The following CNOT10 variants were observed in gnomAD, a reference collection of about 807,000 sequenced individuals.
CNOT10 encodes CCR4-NOT transcription complex subunit 10, also known as CCR4-NOT transcription complex, subunit 10.
CNOT10 carries 30 observed loss-of-function variants against 94.6 expected under a neutral mutation model. The observed-to-expected ratio is 0.32, with a 90% CI of 0.24 to 0.43. CNOT10 has a LOEUF of 0.43. Ranked by LOEUF, CNOT10 falls within the 20% of genes least tolerant of loss-of-function variation. CNOT10 has a pLI of 1.00. For missense variants in CNOT10, 759 were observed against 877.2 expected, an observed-to-expected ratio of 0.87 and a Z score of 1.70; for synonymous variants, 289 against 301.6, an observed-to-expected ratio of 0.96 and a Z score of 0.43.
Position 32,753,363 on chromosome 3 carries a change from T to C in CNOT10, c.1596-6095T>C. 4 of 1,313,658 alleles carry C rather than the reference T, an allele frequency of 3.0e-6. No individual in the cohort carries two copies. The East Asian group carries it at 9.3e-5, about 30-fold the overall frequency. The allele number at this position is 1,313,658 out of a possible 1,614,324, so 81.4% of individuals were successfully genotyped here. ...TATCAAACAGAATCGCAAGTAGTCA[T>C]TACACTTACGATCAAGAATGTTCAA... On this transcript the variant is annotated intron_variant, in intron 13 of 18. Transcript: ENST00000328834.
chr3:32,737,271 T>C (rs900145132), intron 12 of CNOT10, 139 bp from the exon 13 acceptor site: 4 of 566,858 alleles, frequency 7.1e-6, no homozygotes, highest in African/African-American at 3.8e-5. Flanking sequence ...GTTGAGATCG[T>C]GCAATTGCAC....
chr3:32,757,252 T>G (rs1258152854), intron 13 of CNOT10, among the ~76,000 whole-genome samples: 1 of 120,170 alleles, frequency 8.3e-6, no homozygotes, highest in African/African-American at 3.1e-5. Context: ...TGATCTCAGC[T>G]TACCGCAACC....
chr3:32,694,613 G>A (rs1173840325), intron 1 of CNOT10, among the ~76,000 whole-genome samples: 1 of 151,802 alleles, frequency 6.6e-6, no homozygotes, highest in Admixed American at 6.6e-5. Context: ...GTTTTTTGAG[G>A]CAGTCTTGCT....
intron 8 of CNOT10, among the ~76,000 whole-genome samples, chr3:32,724,359 C>A (rs1575243748): frequency 6.6e-6 from 1 of 150,514 alleles, no homozygotes; most frequent in East Asian, 2.0e-4. Context: ...AATTCTCCTA[C>A]CTCAGCCTCC....
At chr3:32,735,617 GA>G (rs1261363217) in intron 12 of CNOT10, among the ~76,000 whole-genome samples, 1 of 148,868 alleles carries the variant, frequency 6.7e-6, no homozygotes, top group Non-Finnish European at 1.5e-5. Context: ...TGAGGCAAGA[GA>G]ATTACTTGAA....
At chr3:32,729,809 C>T (rs1308490513) in intron 10 of CNOT10, among the ~76,000 whole-genome samples, 21 of 141,594 alleles carry the variant, frequency 1.5e-4, no homozygotes, top group African/African-American at 5.6e-4. Context: ...CGCCCTGTCG[C>T]CCAGGCTGGA....
At chr3:32,712,063 T>A (rs1427044883) in intron 4 of CNOT10, among the ~76,000 whole-genome samples, 1 of 152,242 alleles carries the variant, frequency 6.6e-6, no homozygotes, top group Admixed American at 6.5e-5. Flanking sequence ...TTCATTGGGT[T>A]CTTTTTCTTT....
Position 32,747,936 on chromosome 3 carries a change from G to A in CNOT10, c.1595+10446G>A, listed in dbSNP as rs1699776157. On this transcript the variant is annotated intron_variant, in intron 13 of 18. Transcript: ENST00000328834. ...GCACTCCAGCCCAGCGACAGAGCAA[G>A]ACTCCGTCCCAACGCTCCCCCCACC... is the stretch of plus-strand genomic sequence containing the variant. Among the ~76,000 whole-genome samples the A allele has an allele frequency of 1.3e-5, 2 of 151,986 alleles. 1 individual carries two copies. The highest frequency in any genetic ancestry group is 4.2e-4 in the South Asian group (2 of 4,816).
chr3:32,771,686 T>G (rs926882026), intron 18 of CNOT10, among the ~76,000 whole-genome samples: 1 of 152,192 alleles, frequency 6.6e-6, no homozygotes, highest in Non-Finnish European at 1.5e-5. Flanking sequence ...AGGGAGTTTT[T>G]GGTATCCTAC....
intron 13 of CNOT10, among the ~76,000 whole-genome samples, chr3:32,738,611 T>A (rs1420275041): frequency 6.6e-6 from 1 of 151,842 alleles, no homozygotes; most frequent in Non-Finnish European, 1.5e-5. Context: ...TACAGGCGCC[T>A]GCCACCACAC....
At chr3:32,688,555 C>G (rs991864006) in intron 1 of CNOT10, among the ~76,000 whole-genome samples, 1 of 151,982 alleles carries the variant, frequency 6.6e-6, no homozygotes, top group East Asian at 1.9e-4. Flanking sequence ...CGAGATCGCA[C>G]CACTGCACTC....
In CNOT10 at chr3:32,727,693, G is replaced by GT; in HGVS notation, c.1039dup (p.Cys347LeufsTer7). 1 of 1,613,612 alleles carries GT rather than the reference G, an allele frequency of 6.2e-7. No individual in the cohort carries two copies. ...GTAAAAAATTTTCAGGAAGACCCATGTGTACGTTACTAACCAATAAGAGAT... is the reference window on the plus strand; with the variant it reads ...GTAAAAAATTTTCAGGAAGACCCATGTTGTACGTTACTAACCAATAAGAGAT... On this transcript the variant is annotated frameshift_variant, in exon 10 of 19. Transcript: ENST00000328834. LOFTEE classifies it high-confidence loss of function.
intron 7 of CNOT10, 107 bp downstream of exon 7, chr3:32,717,344 G>C (rs185912067): frequency 3.5e-6 from 2 of 576,538 alleles, no homozygotes; most frequent in Admixed American, 3.6e-5. Context: ...TATACTGCCA[G>C]ATATGAACCT....
At chr3:32,772,464 T>C (rs1700954326) in intron 18 of CNOT10, among the ~76,000 whole-genome samples, 2 of 151,942 alleles carry the variant, frequency 1.3e-5, no homozygotes, top group Admixed American at 1.3e-4. Flanking sequence ...GTGTGCAGTA[T>C]TGCTCCTGTG....
intron 13 of CNOT10, among the ~76,000 whole-genome samples, chr3:32,757,832 C>G (rs1229891742): frequency 6.6e-6 from 1 of 152,114 alleles, no homozygotes; most frequent in Non-Finnish European, 1.5e-5. Flanking sequence ...AGTAGGCTTG[C>G]CAGGAAAATT....
At chr3:32,689,643 C>T (rs376263347) in intron 1 of CNOT10, among the ~76,000 whole-genome samples, 9 of 152,070 alleles carry the variant, frequency 5.9e-5, no homozygotes, top group African/African-American at 2.2e-4. Flanking sequence ...AGCTCTAGTC[C>T]CTAGAACAAT....
intron 3 of CNOT10, among the ~76,000 whole-genome samples, chr3:32,705,547 A>G (rs540671867): frequency 2.0e-5 from 3 of 152,276 alleles, no homozygotes; most frequent in South Asian, 2.1e-4. Context: ...CTTGTATGCA[A>G]CTTCTCAGCT....
intron 5 of CNOT10, among the ~76,000 whole-genome samples, chr3:32,714,391 T>C (rs1376159575): frequency 6.7e-6 from 1 of 150,050 alleles, no homozygotes; most frequent in Non-Finnish European, 1.5e-5. Context: ...GAAAATTTCA[T>C]CATTAAAGTT....
intron 13 of CNOT10, among the ~76,000 whole-genome samples, chr3:32,747,233 T>C (rs898998451): frequency 6.6e-6 from 1 of 152,062 alleles, no homozygotes; most frequent in African/African-American, 2.4e-5. Context: ...CTGGCCACCA[T>C]GGTGAAACTC....
Sources: allele counts gnomAD v4.1 joint callset (sites outside exome capture counted in the v4.1 genomes callset), GRCh38; gene constraint gnomAD v4.1.1; transcripts MANE v1.5; gene names NCBI Gene and HGNC (gene_info 2026-07-23, HGNC 2026-07-21).